PPARGC1A: variants seen among roughly 807,000 people sequenced by gnomAD.
The protein encoded by PPARGC1A is PPARG coactivator 1 alpha, also known as peroxisome proliferator-activated receptor gamma coactivator 1-alpha.
Under a neutral mutation model 88.7 loss-of-function variants are expected in PPARGC1A, and 25 were observed. The ratio of observed to expected loss-of-function variants is 0.28; its 90% CI spans 0.21 to 0.39. The LOEUF (loss-of-function observed/expected upper bound fraction) is 0.39. Among genes scored for constraint, PPARGC1A ranks in the 10% least tolerant of loss-of-function variants. The probability of loss-of-function intolerance (pLI) is 1.00; values close to 1 mark genes in which losing one functional copy is unlikely to be tolerated. For missense variants in PPARGC1A, 880 were observed against 968.7 expected, an observed-to-expected ratio of 0.91 and a Z score of 1.22; for synonymous variants, 363 against 355.6, an observed-to-expected ratio of 1.02 and a Z score of -0.24.
At chr4:23,880,337 T>C (rs1321318276) in intron 2 of PPARGC1A, among the ~76,000 whole-genome samples, 3 of 152,218 alleles carry the variant, frequency 2.0e-5, no homozygotes, top group Non-Finnish European at 4.4e-5. Context: ...TTGTATATAA[T>C]CTTCACATTA....
the PPARGC1A span, among the ~76,000 whole-genome samples, chr4:24,320,527 G>C: frequency 6.6e-6 from 1 of 152,104 alleles, no homozygotes; most frequent in Non-Finnish European, 1.5e-5. Context: ...CTTGGTTTTT[G>C]CTCTTTTTGA....
the PPARGC1A span, among the ~76,000 whole-genome samples, chr4:23,998,072 C>T: frequency 2.6e-5 from 4 of 152,304 alleles, no homozygotes; most frequent in African/African-American, 4.8e-5. Flanking sequence ...TTGGCTAATA[C>T]GACCTCAGTT....
chr4:23,807,714 CTTGTG>C (rs1334458775), intron 10 of PPARGC1A, among the ~76,000 whole-genome samples: 2 of 151,490 alleles, frequency 1.3e-5, no homozygotes, highest in Non-Finnish European at 2.9e-5. Flanking sequence ...CCAAAATTTC[CTTGTG>C]TTGTGTTTTT....
chr4:23,945,041 G>C, the PPARGC1A span, among the ~76,000 whole-genome samples: 1 of 152,000 alleles, frequency 6.6e-6, no homozygotes, highest in African/African-American at 2.4e-5. Flanking sequence ...AATAAAAATA[G>C]TCATTGCACA....
chr4:23,945,748 C>T, the PPARGC1A span, among the ~76,000 whole-genome samples: 13 of 152,144 alleles, frequency 8.5e-5, no homozygotes, highest in African/African-American at 3.1e-4. Flanking sequence ...TTTTCATTAT[C>T]CCCAAGTTTG....
the PPARGC1A span, among the ~76,000 whole-genome samples, chr4:24,387,770 A>AGAGAGAGAGAG: frequency 1.0e-3 from 61 of 58,818 alleles, no homozygotes; most frequent in South Asian, 2.2e-3. Flanking sequence ...GAGAGAGAGA[A>AGAGAGAGAGAG]AGAAAGAAAG....
At chr4:24,271,898 A>G in the PPARGC1A span, among the ~76,000 whole-genome samples, 1 of 152,178 alleles carries the variant, frequency 6.6e-6, no homozygotes, top group South Asian at 2.1e-4. Context: ...ATGTATATAC[A>G]TGTATGGTAT....
At chr4:24,349,854 G>A in the PPARGC1A span, among the ~76,000 whole-genome samples, 1 of 152,210 alleles carries the variant, frequency 6.6e-6, no homozygotes, top group Non-Finnish European at 1.5e-5. Flanking sequence ...ACAAAGTTCA[G>A]CTAGAGAATT....
chr4:24,027,791 T>G, the PPARGC1A span, among the ~76,000 whole-genome samples: 27 of 152,252 alleles, frequency 1.8e-4, no homozygotes, highest in African/African-American at 6.3e-4. Context: ...GGTGCATTGT[T>G]TTTGGTTGAA....
rs1717029654 is a variant in PPARGC1A at position 23,793,618 on chromosome 4, T to C, written c.*2204A>G. 1 of 152,184 alleles carries C rather than the reference T, an allele frequency of 6.6e-6. No homozygotes were observed. 9.4% of individuals were successfully genotyped at this position (152,184 alleles called of 1,614,324 possible). A position where few individuals can be genotyped will look rare whatever the true frequency, so the allele number is the denominator to read the frequency against. ...ATGTCAGCCAAACAGTAATCGAATC[T>C]CAATTTAGAAACTTGAATACACACT... On this transcript the variant is annotated 3_prime_UTR_variant, in exon 13 of 13. Transcript: ENST00000264867.
rs75572489 is a variant in PPARGC1A, at chr4:23,832,473, C to T, written c.235-722G>A. On this transcript the variant is annotated intron_variant, in intron 2 of 12. Transcript: ENST00000264867. ...TGGGTAACAATTCTTCATACCCAAA[C>T]TCTGGACGTATTTTTACTCTTCTTT... Among the ~76,000 whole-genome samples, 422 of 152,252 alleles carry T rather than the reference C, an allele frequency of 2.8e-3. 3 individuals are homozygous for T. Among genetic ancestry groups the T allele is most frequent in the African/African-American group, 9.7e-3 (401 of 41,530 alleles).
the PPARGC1A span, among the ~76,000 whole-genome samples, chr4:24,382,381 T>C: frequency 6.6e-6 from 1 of 152,172 alleles, no homozygotes; most frequent in African/African-American, 2.4e-5. Context: ...ATTGTTTGGG[T>C]TTCTTATTTC....
chr4:24,250,548 C>A, the PPARGC1A span, among the ~76,000 whole-genome samples: 273 of 152,162 alleles, frequency 1.8e-3, 1 homozygote, highest in African/African-American at 5.9e-3. Flanking sequence ...TGGGGGCATG[C>A]ACTCTTTGAA....
intron 1 of PPARGC1A, chr4:23,889,142 A>G (rs965412821): frequency 3.0e-6 from 3 of 985,166 alleles, no homozygotes; most frequent in African/African-American, 3.5e-5. Context: ...ATTGCTGTCT[A>G]TTTTTACACT....
the PPARGC1A span, among the ~76,000 whole-genome samples, chr4:23,952,523 C>A: frequency 1.3e-5 from 2 of 152,104 alleles, no homozygotes; most frequent in African/African-American, 4.8e-5. Flanking sequence ...GTTACCCCAC[C>A]ATAACTCCAG....
At chr4:24,027,691 A>T in the PPARGC1A span, among the ~76,000 whole-genome samples, 1 of 152,196 alleles carries the variant, frequency 6.6e-6, no homozygotes, top group African/African-American at 2.4e-5. Context: ...TCAATGAACA[A>T]TGTGTATGGA....
At chr4:24,393,372 C>T in the PPARGC1A span, among the ~76,000 whole-genome samples, 2 of 146,834 alleles carry the variant, frequency 1.4e-5, no homozygotes, top group Non-Finnish European at 3.0e-5. Context: ...GATTGAGAAA[C>T]GGCCCCTTCC....
chr4:23,890,166 A>G, upstream of PPARGC1A: 1 of 1,072,990 alleles, frequency 9.3e-7, no homozygotes, highest in Non-Finnish European at 1.2e-6. Context: ...TTGCTGCTCT[A>G]ACTCGTGACG....
chr4:24,335,355 G>A, the PPARGC1A span, among the ~76,000 whole-genome samples: 4 of 152,180 alleles, frequency 2.6e-5, no homozygotes, highest in African/African-American at 9.6e-5. Context: ...AAGTAGGTGA[G>A]GGCTGAATTT....
Sources: allele counts gnomAD v4.1 joint callset (sites outside exome capture counted in the v4.1 genomes callset), GRCh38; gene constraint gnomAD v4.1.1; transcripts MANE v1.5; gene names NCBI Gene and HGNC (gene_info 2026-07-23, HGNC 2026-07-21).